The following EBF2 variants were observed in gnomAD, a reference collection of about 807,000 sequenced individuals.
EBF2 encodes transcription factor COE2.
EBF2 carries 21 observed loss-of-function variants against 72.8 expected under a neutral mutation model. That is an observed-to-expected ratio of 0.29 (90% CI 0.20 to 0.42). The LOEUF is 0.42. EBF2 is among the 10% of genes least tolerant of loss of function. The pLI is 1.00. For synonymous variants in EBF2, 299 were observed against 274.2 expected (o/e 1.09, Z -0.89); for missense variants, 637 against 731.2 (o/e 0.87, Z 1.49).
intron 6 of EBF2, among the ~76,000 whole-genome samples, chr8:25,936,667 G>A (rs929708529): frequency 2.0e-5 from 3 of 152,112 alleles, no homozygotes; most frequent in Admixed American, 1.3e-4. Flanking sequence ...CTCTTTCTTA[G>A]TATCATTTAC....
chr8:25,911,039 C>T (rs1460868734), intron 6 of EBF2, among the ~76,000 whole-genome samples: 1 of 151,934 alleles, frequency 6.6e-6, no homozygotes, highest in Non-Finnish European at 1.5e-5. Context: ...TTCTGGTTCT[C>T]CGCCCTCCAC....
intron 10 of EBF2, 133 bp downstream of exon 10, chr8:25,886,622 A>G (rs757152818): frequency 3.7e-6 from 4 of 1,080,468 alleles, no homozygotes; most frequent in South Asian, 2.1e-5. Context: ...TTCAACATCT[A>G]TCACTCAGCT....
intron 6 of EBF2, among the ~76,000 whole-genome samples, chr8:25,974,244 G>A (rs1804233093): frequency 6.6e-6 from 1 of 152,194 alleles, no homozygotes; most frequent in Non-Finnish European, 1.5e-5. Context: ...CCAGGCTCCA[G>A]GACCCAAGAC....
chr8:25,933,677 A>T (rs1018776591), intron 6 of EBF2, among the ~76,000 whole-genome samples: 3 of 152,198 alleles, frequency 2.0e-5, no homozygotes, highest in Non-Finnish European at 2.9e-5. Context: ...GTGGAAAACA[A>T]ATTTGTCCCC....
chr8:25,981,697 G>A (rs1804363974), intron 6 of EBF2, among the ~76,000 whole-genome samples: 1 of 151,730 alleles, frequency 6.6e-6, no homozygotes, highest in African/African-American at 2.4e-5. Flanking sequence ...TAGGGAGGCT[G>A]AGGCAGGAGA....
intron 9 of EBF2, among the ~76,000 whole-genome samples, chr8:25,887,117 GTCTCTCTC>G (rs67623458): frequency 2.0e-5 from 3 of 149,672 alleles, no homozygotes; most frequent in African/African-American, 7.4e-5. Context: ...GTATGTCTCT[GTCTCTCTC>G]TCTCTCTCTC....
chr8:25,886,454 T>C (rs1802690844), intron 10 of EBF2, among the ~76,000 whole-genome samples: 1 of 152,244 alleles, frequency 6.6e-6, no homozygotes, highest in South Asian at 2.1e-4. Flanking sequence ...CTGTCTATTT[T>C]TTAATCTGAC....
chr8:25,960,321 C>T (rs1305875473), intron 6 of EBF2, among the ~76,000 whole-genome samples: 1 of 152,186 alleles, frequency 6.6e-6, no homozygotes, highest in Non-Finnish European at 1.5e-5. Flanking sequence ...CCCTCAGGGC[C>T]AGCGGTGGCT....
intron 6 of EBF2, among the ~76,000 whole-genome samples, chr8:25,976,373 T>G (rs1337330855): frequency 6.6e-6 from 1 of 152,204 alleles, no homozygotes; most frequent in Non-Finnish European, 1.5e-5. Context: ...CTTTCTAACT[T>G]CCATAATATT....
At chr8:25,896,685 G>A (rs1182058369) in intron 7 of EBF2, among the ~76,000 whole-genome samples, 1 of 152,194 alleles carries the variant, frequency 6.6e-6, no homozygotes, top group Non-Finnish European at 1.5e-5. Flanking sequence ...AGAAAATCAA[G>A]ACAGACTTCT....
chr8:26,009,463 C>T (rs1391022877), intron 6 of EBF2, among the ~76,000 whole-genome samples: 2 of 152,058 alleles, frequency 1.3e-5, no homozygotes, highest in Non-Finnish European at 2.9e-5. Context: ...TACTCATCAG[C>T]CAAAAAGAAT....
intron 6 of EBF2, among the ~76,000 whole-genome samples, chr8:25,939,748 G>A (rs1000118419): frequency 2.0e-5 from 3 of 152,070 alleles, no homozygotes; most frequent in African/African-American, 2.4e-5. Flanking sequence ...TGTGAATCAG[G>A]GAAAGAATAA....
intron 6 of EBF2, among the ~76,000 whole-genome samples, chr8:25,990,277 C>T (rs1235404719): frequency 1.3e-5 from 2 of 151,918 alleles, no homozygotes; most frequent in Non-Finnish European, 2.9e-5. Context: ...GTTTAAAATA[C>T]CCTATTTATA....
At chr8:25,953,414 TTTAAA>T (rs1473561429) in intron 6 of EBF2, among the ~76,000 whole-genome samples, 13 of 152,178 alleles carry the variant, frequency 8.5e-5, no homozygotes, top group African/African-American at 3.1e-4. Context: ...TTTCCAAGCA[TTTAAA>T]TTAAAGAAGA....
intron 6 of EBF2, among the ~76,000 whole-genome samples, chr8:26,028,522 T>C (rs537276787): frequency 6.6e-6 from 1 of 152,322 alleles, no homozygotes; most frequent in African/African-American, 2.4e-5. Context: ...ACAGGAACAA[T>C]AGGGACTCAT....
intron 6 of EBF2, among the ~76,000 whole-genome samples, chr8:26,007,952 G>T (rs1804910368): frequency 6.6e-6 from 1 of 150,568 alleles, no homozygotes; most frequent in Non-Finnish European, 1.5e-5. Flanking sequence ...GAAAAAAGAA[G>T]ACATCACTGC....
rs369052635 is a variant in EBF2 at position 26,034,668 on chromosome 8, T to C, written c.483-1515A>G. Reference sequence around the variant, plus strand: ...AGACTTCTGAATACCTCTCAGCTCATCTCAGGTACATGGTCCACTATCAAC... The same window carrying C: ...AGACTTCTGAATACCTCTCAGCTCACCTCAGGTACATGGTCCACTATCAAC... On this transcript the variant is annotated intron_variant, in intron 5 of 15. Coordinates refer to ENST00000520164, the MANE Select transcript of EBF2 (RefSeq NM_022659.4). Among the ~76,000 whole-genome samples, 44 of 152,352 alleles carry C rather than the reference T, an allele frequency of 2.9e-4. 1 individual carries two copies. The South Asian group carries it at 8.9e-3, about 31-fold the overall frequency.
chr8:25,896,585 T>C (rs1186364113), intron 7 of EBF2, among the ~76,000 whole-genome samples: 1 of 152,206 alleles, frequency 6.6e-6, no homozygotes, highest in African/African-American at 2.4e-5. Flanking sequence ...TATATGTTAT[T>C]TCAGCTTTCC....
At chr8:25,880,188 G>A (rs74636124) in intron 10 of EBF2, among the ~76,000 whole-genome samples, 93 of 152,252 alleles carry the variant, frequency 6.1e-4, no homozygotes, top group Non-Finnish European at 9.8e-4. Context: ...AATAGGCCAC[G>A]TAGAGCAAAT....
Sources: gnomAD v4.1 joint callset for allele counts (sites outside exome capture counted in the v4.1 genomes callset) on GRCh38, gnomAD v4.1.1 for gene constraint, MANE v1.5 for transcripts, NCBI Gene and HGNC (gene_info 2026-07-23, HGNC 2026-07-21) for gene names.